The following C2CD3 variants were observed in gnomAD, a reference collection of about 807,000 sequenced individuals.
The protein encoded by C2CD3 is C2 domain-containing protein 3.
A neutral mutation model predicts 234.0 loss-of-function variants in C2CD3; 148 were observed. The observed-to-expected ratio is 0.63, with a 90% CI of 0.55 to 0.72. The LOEUF is 0.72. Ranked by LOEUF, C2CD3 falls within the 30% of genes least tolerant of loss-of-function variation. C2CD3 has a pLI of 0.00. For missense variants in C2CD3, 2,577 were observed against 2,811.5 expected (o/e 0.92, Z 1.89); for synonymous variants, 1,000 against 1,035.4 (o/e 0.97, Z 0.66).
At chr11:74,114,621 G>A (rs1260689304) in intron 9 of C2CD3, 28 bp from the exon 10 acceptor site, 1 of 1,364,840 alleles carries the variant, frequency 7.3e-7, no homozygotes. Context: ...AAGCAGTGAG[G>A]CATACTGCTA....
intron 20 of C2CD3, among the ~76,000 whole-genome samples, chr11:74,088,050 T>C (rs983646125): frequency 6.6e-6 from 1 of 152,168 alleles, no homozygotes; most frequent in African/African-American, 2.4e-5. Context: ...GATGCCAGCG[T>C]AAGGATTCAA....
At chr11:74,078,837 C>T in intron 22 of C2CD3, 120 bp from the exon 23 acceptor site, 1 of 886,440 alleles carries the variant, frequency 1.1e-6, no homozygotes. Flanking sequence ...GAAAACATAC[C>T]CACAGTGAGT....
chr11:74,132,345 C>T (rs904468076), intron 7 of C2CD3, among the ~76,000 whole-genome samples: 6 of 151,734 alleles, frequency 4.0e-5, no homozygotes, highest in South Asian at 2.1e-4. Flanking sequence ...AGTGAGACTC[C>T]GTCTCAAAAA....
rs767601286 is a variant in C2CD3 at position 74,074,511 on chromosome 11, G to A, written c.4693C>T (p.Leu1565Phe). Residue 1565 changes from leucine (L) to phenylalanine (F), a missense_variant, in exon 24 of 33, where the codon CTT (leucine) becomes TTT (phenylalanine). Physicochemically the swap from Leu to Phe is conservative, Grantham distance 22. Transcript: ENST00000334126. ...GAGTCCAGCTCATGAGTGGGCTCAA[G>A]GTGTGAGGAAAGAGAGGAAAGAACC... ...HVVLSSLSSHLEPTHELDSMD... is the reference protein window; with the variant it reads ...HVVLSSLSSHFEPTHELDSMD... The A allele has an allele frequency of 4.3e-6, 7 of 1,614,076 alleles. No homozygotes were observed. Among genetic ancestry groups the A allele is most frequent in the Non-Finnish European group, 5.9e-6 (7 of 1,180,032 alleles).
At chr11:74,134,934 A>T (rs184368039) in intron 5 of C2CD3, among the ~76,000 whole-genome samples, 4 of 152,274 alleles carry the variant, frequency 2.6e-5, no homozygotes, top group Non-Finnish European at 5.9e-5. Flanking sequence ...TATGTTGCCC[A>T]GGCTGGTCTT....
intron 3 of C2CD3, among the ~76,000 whole-genome samples, chr11:74,143,521 T>C (rs1450686936): frequency 6.9e-6 from 1 of 144,940 alleles, no homozygotes; most frequent in East Asian, 2.0e-4. Flanking sequence ...TCAAGCTAAT[T>C]TTATTTTATA....
At chr11:74,122,890 GTAAGT>G (rs901397919) in intron 8 of C2CD3, 93 bp downstream of exon 8, 49 of 557,624 alleles carry the variant, frequency 8.8e-5, no homozygotes, top group Middle Eastern at 1.1e-3. Context: ...ATTAAGTAAG[GTAAGT>G]TATGTAAAAT....
intron 32 of C2CD3, among the ~76,000 whole-genome samples, chr11:74,023,591 T>C (rs1042155973): frequency 2.6e-5 from 4 of 152,206 alleles, no homozygotes; most frequent in African/African-American, 7.2e-5. Flanking sequence ...TGGGTGAGTT[T>C]TCTTTTTCCT....
chr11:74,114,613 G>C lies in C2CD3; in HGVS notation c.1521-20C>G. ...AAATTTCTGAAAGGAGTTCACACAA[G>C]CAGTGAGGCATACTGCTACAGGCTT... On this transcript the variant is annotated intron_variant, in intron 9 of 32. Transcript: ENST00000334126. 1.3e-6 allele frequency: 2 copies of C among 1,494,888 alleles called. No individual in the cohort carries two copies. Among genetic ancestry groups the C allele is most frequent in the East Asian group, 4.5e-5 (2 of 44,310 alleles). 92.6% of individuals were successfully genotyped at this position (1,494,888 alleles called of 1,614,324 possible). A position where few individuals can be genotyped will look rare whatever the true frequency, so the allele number is the denominator to read the frequency against.
intron 15 of C2CD3, among the ~76,000 whole-genome samples, chr11:74,098,632 T>C (rs1272415808): frequency 2.0e-5 from 3 of 152,186 alleles, no homozygotes; most frequent in South Asian, 2.1e-4. Flanking sequence ...ATTTGGAAAA[T>C]ATTGCCAATA....
At chr11:74,029,062 G>C (rs1952418877) in intron 31 of C2CD3, among the ~76,000 whole-genome samples, 1 of 152,224 alleles carries the variant, frequency 6.6e-6, no homozygotes, top group South Asian at 2.1e-4. Flanking sequence ...AGTACAGCTG[G>C]TCCAATCTGG....
At chr11:74,034,845 A>C (rs1358981762) in intron 30 of C2CD3, among the ~76,000 whole-genome samples, 1 of 152,250 alleles carries the variant, frequency 6.6e-6, no homozygotes, top group Non-Finnish European at 1.5e-5. Flanking sequence ...TGTGATCATA[A>C]GCAAACCATC....
At position 74,033,909 on chromosome 11, in the gene C2CD3, G is replaced by C. The variant is rs562313391; in HGVS notation, c.6251C>G (p.Thr2084Ser). Residue 2084 changes from threonine (T) to serine (S), a missense_variant, in exon 31 of 33, where the codon ACT (threonine) becomes AGT (serine). Thr to Ser is a moderately conservative substitution (Grantham distance 58). Coordinates refer to ENST00000334126, the MANE Select transcript of C2CD3 (RefSeq NM_001286577.2). ...TGATATGACACTAGACCAAGGGCTA[G>C]TTTTGTCTGTCACCGTGGTGATCTC... ...LNEITTVTDK[T>S]SPWSSVISDT... 2.0e-4 allele frequency: 310 copies of C among 1,536,278 alleles called. 1 individual carries two copies. The South Asian group carries it at 3.5e-3, about 17-fold the overall frequency.
At chr11:74,080,809 C>A (rs1955318517) in intron 22 of C2CD3, among the ~76,000 whole-genome samples, 1 of 152,074 alleles carries the variant, frequency 6.6e-6, no homozygotes, top group African/African-American at 2.4e-5. Context: ...AGATCTTTCA[C>A]ATGTAAGATT....
intron 3 of C2CD3, among the ~76,000 whole-genome samples, chr11:74,155,566 G>A (rs567559743): frequency 1.3e-5 from 2 of 152,092 alleles, no homozygotes; most frequent in African/African-American, 4.8e-5. Flanking sequence ...CCACAAAAAG[G>A]GATGCACTTC....
Position 74,074,339 on chromosome 11 carries a change from C to A in C2CD3, c.4865G>T (p.Arg1622Leu), listed in dbSNP as rs772173456. 1.9e-6 allele frequency: 3 copies of A among 1,614,076 alleles called. No homozygotes were observed. The East Asian group carries it at 6.7e-5, about 36-fold the overall frequency. Residue 1622 changes from arginine to leucine, a missense_variant, in exon 24 of 33, where the codon CGC (arginine) becomes CTC (leucine). Coordinates refer to ENST00000334126, the MANE Select transcript of C2CD3 (RefSeq NM_001286577.2). ...ATCAGCAGGGCCCTCCTGCGTCAGG[C>A]GGACTTCAGCTGTGGTGCTGCTGCA... The part of the protein sequence containing the change: ...VPCSSTTAEV[R>L]LTQEGPADLD...
At position 74,163,533 on chromosome 11, in the gene C2CD3, A is replaced by G. The variant is rs1590978351; in HGVS notation, c.326-1977T>C. 2.6e-5 allele frequency among the ~76,000 whole-genome samples: 4 copies of G among 152,276 alleles called. No individual in the cohort carries two copies. In the South Asian group the frequency reaches 6.2e-4, roughly 24 times the overall value. On this transcript the variant is annotated intron_variant, in intron 2 of 32. Transcript: ENST00000334126. ...CGGTTCTCCTTATCCTGTTCTCATGATAGTGAGTTAGCTCTCACGAGATCT... is the reference window on the plus strand; with the variant it reads ...CGGTTCTCCTTATCCTGTTCTCATGGTAGTGAGTTAGCTCTCACGAGATCT...
intron 3 of C2CD3, among the ~76,000 whole-genome samples, chr11:74,160,649 G>A (rs958418236): frequency 7.2e-5 from 11 of 152,266 alleles, no homozygotes; most frequent in African/African-American, 2.4e-4. Flanking sequence ...CCGTTAGGAG[G>A]AATAAATTCT....
At chr11:74,036,061 T>C (rs1952730199) in intron 30 of C2CD3, 1 of 171,788 alleles carries the variant, frequency 5.8e-6, no homozygotes, top group South Asian at 1.5e-4. Flanking sequence ...GGTTTTGCCA[T>C]GTTGGCCAGG....
Sources: allele counts gnomAD v4.1 joint callset (sites outside exome capture counted in the v4.1 genomes callset), GRCh38; gene constraint gnomAD v4.1.1; transcripts MANE v1.5; gene names NCBI Gene and HGNC (gene_info 2026-07-23, HGNC 2026-07-21).